Variants in PTCHD4 observed in about 807,000 individuals in gnomAD.
The protein encoded by PTCHD4 is patched domain containing 4, also known as patched domain-containing protein 4.
PTCHD4 carries 33 observed loss-of-function variants against 58.1 expected under a neutral mutation model. The ratio of observed to expected loss-of-function variants is 0.57; its 90% CI spans 0.43 to 0.76. The LOEUF (loss-of-function observed/expected upper bound fraction) is 0.76. PTCHD4 is among the 30% of genes least tolerant of loss of function. The probability of loss-of-function intolerance (pLI) is 0.00; values close to 1 mark genes in which losing one functional copy is unlikely to be tolerated. For synonymous variants in PTCHD4, 478 were observed against 409.6 expected (o/e 1.17, Z -2.02); for missense variants, 1,058 against 1,027.1 (o/e 1.03, Z -0.41).
rs573096843 is a variant in PTCHD4, at chr6:47,926,410, GAA to G, written c.899-46476_899-46475del. Among the ~76,000 whole-genome samples the G allele has an allele frequency of 2.9e-4, 44 of 152,258 alleles. No individual in the cohort carries two copies. In the East Asian group the frequency reaches 8.5e-3, roughly 29 times the overall value. The stretch of plus-strand genomic sequence containing the variant: ...TCTGTAACTTAAAATCCCATAGGAT[GAA>G]AAAGAGTAGGTGATGCATAAAATAC... On this transcript the variant is annotated intron_variant, in intron 4 of 4. Transcript: ENST00000339488.
intron 4 of PTCHD4, chr6:47,890,857 A>G: frequency 1.0e-6 from 1 of 976,160 alleles, no homozygotes; most frequent in South Asian, 4.7e-5. Flanking sequence ...CTAAATAGCC[A>G]CTATCAGGAA....
intron 4 of PTCHD4, among the ~76,000 whole-genome samples, chr6:47,888,561 G>A (rs181599770): frequency 1.3e-5 from 2 of 152,236 alleles, no homozygotes; most frequent in African/African-American, 4.8e-5. Flanking sequence ...ATATCTTAGT[G>A]TATAGATAAA....
intron 3 of PTCHD4, among the ~76,000 whole-genome samples, chr6:48,017,816 A>G (rs1762918006): frequency 6.6e-6 from 1 of 152,196 alleles, no homozygotes; most frequent in Non-Finnish European, 1.5e-5. Flanking sequence ...ATATTTGAAT[A>G]ATTTTTATAT....
At chr6:47,913,995 C>A (rs1765151053) in intron 4 of PTCHD4, among the ~76,000 whole-genome samples, 1 of 152,102 alleles carries the variant, frequency 6.6e-6, no homozygotes, top group African/African-American at 2.4e-5. Context: ...CAAGTGTTAA[C>A]ATAATAGTGA....
chr6:47,982,846 C>T (rs764272236), intron 4 of PTCHD4, among the ~76,000 whole-genome samples: 1 of 152,048 alleles, frequency 6.6e-6, no homozygotes, highest in Non-Finnish European at 1.5e-5. Flanking sequence ...AATAGGTGCT[C>T]AATAAGAATT....
intron 3 of PTCHD4, among the ~76,000 whole-genome samples, chr6:48,018,497 G>A (rs1762943786): frequency 6.6e-6 from 1 of 152,198 alleles, no homozygotes; most frequent in Admixed American, 6.5e-5. Flanking sequence ...TCTGAGGCTA[G>A]ACCAAGTCAT....
intron 3 of PTCHD4, among the ~76,000 whole-genome samples, chr6:48,015,695 C>G (rs1762843710): frequency 6.6e-6 from 1 of 151,990 alleles, no homozygotes; most frequent in Admixed American, 6.6e-5. Flanking sequence ...CTTCTTCCTA[C>G]AAATGATTTC....
At chr6:48,040,391 G>C (rs1562021857) in intron 3 of PTCHD4, among the ~76,000 whole-genome samples, 1 of 151,902 alleles carries the variant, frequency 6.6e-6, no homozygotes, top group Non-Finnish European at 1.5e-5. Context: ...TAGTCACCAT[G>C]GTCCAGAGGC....
At chr6:47,947,732 T>C (rs1425934354) in intron 4 of PTCHD4, among the ~76,000 whole-genome samples, 1 of 152,186 alleles carries the variant, frequency 6.6e-6, no homozygotes, top group Admixed American at 6.5e-5. Flanking sequence ...ATAATTTCAA[T>C]ATAAATATTT....
intron 1 of PTCHD4, among the ~76,000 whole-genome samples, chr6:48,071,397 AG>A (rs1451666249): frequency 6.6e-6 from 1 of 152,238 alleles, no homozygotes; most frequent in Non-Finnish European, 1.5e-5. Flanking sequence ...CTGAAGAATT[AG>A]GTGCAATATG....
chr6:47,923,994 G>GAAT (rs1765515731), intron 4 of PTCHD4, among the ~76,000 whole-genome samples: 5 of 152,140 alleles, frequency 3.3e-5, no homozygotes, highest in Non-Finnish European at 7.3e-5. Flanking sequence ...AACTAACTCT[G>GAAT]GATGGTCAGC....
chr6:48,069,248 A>T lies in PTCHD4; in HGVS notation c.-291T>A, dbSNP rs1764924812. On this transcript the variant is annotated 5_prime_UTR_variant, in exon 2 of 5. It removes the in-frame stop codon of an upstream open reading frame in the 5' UTR. Transcript: ENST00000339488. ...TTTTAAGATGCTGACAGTTATTTTTAGAGTTTTGTGTTCCCTCTTCCCTCC... is the reference window on the plus strand; with the variant it reads ...TTTTAAGATGCTGACAGTTATTTTTTGAGTTTTGTGTTCCCTCTTCCCTCC... Among the ~76,000 whole-genome samples the T allele has an allele frequency of 6.7e-6, 1 of 150,230 alleles. No individual in the cohort carries two copies. Among genetic ancestry groups the T allele is most frequent in the African/African-American group, 2.5e-5 (1 of 40,606 alleles).
intron 1 of PTCHD4, among the ~76,000 whole-genome samples, chr6:48,095,650 C>CT (rs1765453132): frequency 6.6e-6 from 1 of 151,374 alleles, no homozygotes; most frequent in South Asian, 2.1e-4. Flanking sequence ...GATTGCGCCA[C>CT]TGCACTCCAG....
chr6:48,109,307 T>C (rs770165449), intron 1 of PTCHD4, among the ~76,000 whole-genome samples: 6 of 152,168 alleles, frequency 3.9e-5, no homozygotes, highest in Non-Finnish European at 5.9e-5. Context: ...AAAAACCTAA[T>C]AGCCCAATGT....
intron 1 of PTCHD4, among the ~76,000 whole-genome samples, chr6:48,103,027 G>A (rs1333801504): frequency 6.6e-6 from 1 of 152,216 alleles, no homozygotes; most frequent in Admixed American, 6.5e-5. Context: ...ACCTCTGGGG[G>A]CAGGGCACAG....
chr6:47,901,632 G>A, intron 4 of PTCHD4: 5 of 1,098,758 alleles, frequency 4.6e-6, no homozygotes, highest in Non-Finnish European at 5.6e-6. Flanking sequence ...AAGACAGTAT[G>A]GGTTACAGAC....
At chr6:48,023,902 C>CA (rs1562012743) in intron 3 of PTCHD4, among the ~76,000 whole-genome samples, 2 of 152,258 alleles carry the variant, frequency 1.3e-5, no homozygotes, top group African/African-American at 2.4e-5. Flanking sequence ...GTTACCATAG[C>CA]AATGATGGCA....
At chr6:48,085,461 C>T (rs148121998) in intron 1 of PTCHD4, among the ~76,000 whole-genome samples, 12 of 152,274 alleles carry the variant, frequency 7.9e-5, no homozygotes, top group Middle Eastern at 3.4e-3. Flanking sequence ...TAAGGAACAA[C>T]TGACTAGAAT....
At chr6:48,079,866 G>C (rs1395951976) in intron 1 of PTCHD4, among the ~76,000 whole-genome samples, 1 of 150,188 alleles carries the variant, frequency 6.7e-6, no homozygotes, top group African/African-American at 2.4e-5. Flanking sequence ...CAATATTATA[G>C]TATATTGGTG....
Sources: allele counts gnomAD v4.1 joint callset (sites outside exome capture counted in the v4.1 genomes callset), GRCh38; gene constraint gnomAD v4.1.1; transcripts MANE v1.5; gene names NCBI Gene and HGNC (gene_info 2026-07-23, HGNC 2026-07-21).